Variants in TMEM116 observed in about 807,000 individuals in gnomAD.
TMEM116 encodes the protein transmembrane protein 116.
In TMEM116, 38 loss-of-function variants were observed where a neutral mutation model predicts 44.3. That is an observed-to-expected ratio of 0.86 (90% CI 0.66 to 1.12). The LOEUF (loss-of-function observed/expected upper bound fraction) is 1.12. Ranked by LOEUF, TMEM116 falls within the 50% of genes most tolerant of loss-of-function variation. The pLI is 0.00. For missense variants in TMEM116, 354 were observed against 401.7 expected, an observed-to-expected ratio of 0.88 and a Z score of 1.01; for synonymous variants, 132 against 144.8, an observed-to-expected ratio of 0.91 and a Z score of 0.64.
At chr12:111,997,893 C>T (rs1296693651) in intron 3 of TMEM116, among the ~76,000 whole-genome samples, 1 of 152,182 alleles carries the variant, frequency 6.6e-6, no homozygotes, top group African/African-American at 2.4e-5. Context: ...TCTGGGTAAG[C>T]TTGCTAAAAT....
chr12:111,974,589 A>G (rs371883756), intron 4 of TMEM116, among the ~76,000 whole-genome samples: 2 of 150,934 alleles, frequency 1.3e-5, no homozygotes, highest in South Asian at 2.1e-4. Flanking sequence ...ACCTAGAAGA[A>G]GGCTGCAGTG....
intron 4 of TMEM116, among the ~76,000 whole-genome samples, chr12:111,976,801 C>T (rs1202495231): frequency 5.3e-5 from 8 of 151,996 alleles, no homozygotes; most frequent in South Asian, 2.1e-4. Context: ...AAACATTAAA[C>T]GTCAAAAATA....
rs12309196 is a variant in TMEM116, at chr12:111,961,924, T to C, written c.211-18555A>G. ...ATGATTGTATATTTAGAAAACCCCA[T>C]TGTCTCAGCCCAAAATCTCCTTAAG... On this transcript the variant is annotated intron_variant, in intron 4 of 10. Transcript: ENST00000552374. Among the ~76,000 whole-genome samples, 939 of 152,290 alleles carry C rather than the reference T, an allele frequency of 6.2e-3. 11 individuals are homozygous for C. Among genetic ancestry groups the C allele is most frequent in the African/African-American group, 0.021 (884 of 41,558 alleles).
chr12:111,960,850 G>A (rs1285230755), intron 4 of TMEM116, among the ~76,000 whole-genome samples: 1 of 152,114 alleles, frequency 6.6e-6, no homozygotes, highest in Non-Finnish European at 1.5e-5. Flanking sequence ...CGGAGATAGA[G>A]ACAGGAAAAA....
chr12:111,991,532 A>G (rs888856609), intron 4 of TMEM116, among the ~76,000 whole-genome samples: 1 of 152,014 alleles, frequency 6.6e-6, no homozygotes, highest in Non-Finnish European at 1.5e-5. Context: ...CAGAAAAAAA[A>G]AAAAAAAAAT....
chr12:112,005,638 G>A, intron 1 of TMEM116: 15 of 942,836 alleles, frequency 1.6e-5, no homozygotes, highest in South Asian at 4.9e-5. Context: ...GAGGTAAGAC[G>A]ATCACTTGAG....
chr12:111,952,166 T>C (rs1018538169), intron 4 of TMEM116, among the ~76,000 whole-genome samples: 2 of 152,054 alleles, frequency 1.3e-5, no homozygotes, highest in African/African-American at 4.8e-5. Context: ...AAGATGGAGA[T>C]TGCAGTGAGC....
At chr12:111,970,586 GT>G (rs200011351) in intron 4 of TMEM116, among the ~76,000 whole-genome samples, 29,607 of 133,206 alleles carry the variant, frequency 0.22, 2,990 homozygotes, top group East Asian at 0.73. Flanking sequence ...AATCAAATGG[GT>G]TTTTTTTTTT....
At chr12:111,972,236 C>T (rs2136464562) in intron 4 of TMEM116, among the ~76,000 whole-genome samples, 1 of 152,102 alleles carries the variant, frequency 6.6e-6, no homozygotes, top group Non-Finnish European at 1.5e-5. Flanking sequence ...AAAATGTAGA[C>T]TTCAAAATGA....
chr12:111,992,941 T>G (rs1565953219), intron 3 of TMEM116: 1 of 152,804 alleles, frequency 6.5e-6, no homozygotes, highest in Non-Finnish European at 1.5e-5. Context: ...TATCACCCTG[T>G]GAGCCACAAT....
intron 4 of TMEM116, among the ~76,000 whole-genome samples, chr12:111,970,265 C>A: frequency 6.8e-6 from 1 of 147,150 alleles, no homozygotes; most frequent in African/African-American, 2.5e-5. Flanking sequence ...CCCTGGGTGA[C>A]AGAGCATGAC....
intron 1 of TMEM116, among the ~76,000 whole-genome samples, chr12:112,007,217 C>T (rs1440920681): frequency 1.3e-5 from 2 of 152,152 alleles, no homozygotes; most frequent in Admixed American, 6.6e-5. Context: ...GAATTTGAGA[C>T]CAGCCTGGCC....
intron 5 of TMEM116, 46 bp downstream of exon 5, chr12:111,943,219 C>T (rs777670501): frequency 1.5e-5 from 22 of 1,482,334 alleles, no homozygotes; most frequent in East Asian, 1.4e-4. Flanking sequence ...TCACCACACC[C>T]GGCCTAGCAT....
chr12:111,992,423 C>G (rs1233043635), intron 3 of TMEM116, among the ~76,000 whole-genome samples: 1 of 152,066 alleles, frequency 6.6e-6, no homozygotes, highest in Admixed American at 6.5e-5. Context: ...GCGCCCAGCA[C>G]CACGCCTGGC....
At chr12:111,970,947 A>G (rs1362537680) in intron 4 of TMEM116, among the ~76,000 whole-genome samples, 1 of 152,202 alleles carries the variant, frequency 6.6e-6, no homozygotes, top group African/African-American at 2.4e-5. Flanking sequence ...GAAAAACAAC[A>G]TGTTACGTAC....
At chr12:111,950,288 A>C (rs1002728529) in intron 4 of TMEM116, among the ~76,000 whole-genome samples, 1 of 152,142 alleles carries the variant, frequency 6.6e-6, no homozygotes, top group Non-Finnish European at 1.5e-5. Flanking sequence ...TGAGAAATTG[A>C]TGCCTTTATG....
chr12:111,935,560 T>A (rs1938328161), intron 8 of TMEM116: 1 of 151,770 alleles, frequency 6.6e-6, no homozygotes, highest in African/African-American at 2.4e-5. Flanking sequence ...CATTTTAATA[T>A]GAACTAGTTA....
chr12:111,984,332 C>T (rs537770011), intron 4 of TMEM116, among the ~76,000 whole-genome samples: 2 of 152,126 alleles, frequency 1.3e-5, no homozygotes, highest in South Asian at 2.1e-4. Context: ...AGGCAACCAT[C>T]GTATATTTGC....
At chr12:111,985,593 G>A (rs1321379448) in intron 4 of TMEM116, among the ~76,000 whole-genome samples, 1 of 152,064 alleles carries the variant, frequency 6.6e-6, no homozygotes, top group African/African-American at 2.4e-5. Context: ...TACTATTATA[G>A]TTTTTTGTTT....
Sources: allele counts gnomAD v4.1 joint callset (sites outside exome capture counted in the v4.1 genomes callset), GRCh38; gene constraint gnomAD v4.1.1; transcripts MANE v1.5; gene names NCBI Gene and HGNC (gene_info 2026-07-23, HGNC 2026-07-21).